ARL15: variants seen among roughly 807,000 people sequenced by gnomAD.
ARL15 encodes the protein ADP-ribosylation factor-like protein 15.
Under a neutral mutation model 25.2 loss-of-function variants are expected in ARL15, and 19 were observed. That is an observed-to-expected ratio of 0.75 (90% CI 0.53 to 1.10). The LOEUF (loss-of-function observed/expected upper bound fraction) is 1.10. Among genes scored for constraint, ARL15 ranks in the 50% least tolerant of loss-of-function variants. The probability of loss-of-function intolerance (pLI) is 0.00; values close to 1 mark genes in which losing one functional copy is unlikely to be tolerated. For missense variants in ARL15, 220 were observed against 246.0 expected (o/e 0.89, Z 0.71); for synonymous variants, 94 against 86.8 (o/e 1.08, Z -0.46).
At chr5:54,016,530 T>G (rs1178405308) in intron 4 of ARL15, among the ~76,000 whole-genome samples, 1 of 152,204 alleles carries the variant, frequency 6.6e-6, no homozygotes, top group Non-Finnish European at 1.5e-5. Context: ...TCATGTTGCT[T>G]TAGGACCACA....
intron 1 of ARL15, among the ~76,000 whole-genome samples, chr5:54,208,020 C>T (rs1160883605): frequency 3.3e-5 from 5 of 152,052 alleles, no homozygotes; most frequent in African/African-American, 1.2e-4. Flanking sequence ...TATTGAGAGC[C>T]CAAGGCCCCT....
At chr5:54,310,195 T>C (rs1159928823) in intron 1 of ARL15, 5 of 463,106 alleles carry the variant, frequency 1.1e-5, no homozygotes, top group Non-Finnish European at 1.9e-5. Flanking sequence ...AGCGCGACCC[T>C]CGCCCTGCAG....
chr5:54,110,151 T>A (rs897473025), intron 4 of ARL15, among the ~76,000 whole-genome samples: 2 of 152,028 alleles, frequency 1.3e-5, no homozygotes, highest in African/African-American at 4.8e-5. Context: ...ATTTTAACCA[T>A]TGTCTTCATT....
intron 4 of ARL15, among the ~76,000 whole-genome samples, chr5:54,071,592 A>G (rs931034752): frequency 2.2e-4 from 32 of 145,804 alleles, no homozygotes; most frequent in African/African-American, 7.9e-4. Flanking sequence ...TTTTTGGTAC[A>G]CTATTGTTCA....
intron 1 of ARL15, among the ~76,000 whole-genome samples, chr5:54,201,180 T>C (rs1216595869): frequency 6.6e-6 from 1 of 152,094 alleles, no homozygotes; most frequent in African/African-American, 2.4e-5. Flanking sequence ...CCTGACTCTA[T>C]AATGAATCAC....
intron 1 of ARL15, among the ~76,000 whole-genome samples, chr5:54,296,659 T>TAGGC (rs1758472700): frequency 6.6e-6 from 1 of 152,336 alleles, no homozygotes; most frequent in South Asian, 2.1e-4. Flanking sequence ...GCTAGCACAT[T>TAGGC]AGGCACCTCT....
At chr5:54,006,983 C>T (rs1219551607) in intron 4 of ARL15, among the ~76,000 whole-genome samples, 7 of 151,874 alleles carry the variant, frequency 4.6e-5, no homozygotes, top group African/African-American at 1.5e-4. Context: ...CCCAGCTACT[C>T]GGGAGGCTGA....
At chr5:54,055,859 T>C (rs1159595758) in intron 4 of ARL15, among the ~76,000 whole-genome samples, 1 of 152,134 alleles carries the variant, frequency 6.6e-6, no homozygotes, top group Non-Finnish European at 1.5e-5. Context: ...GTATTATAAT[T>C]ATCATGTGTA....
chr5:54,092,073 C>CACACACACACA (rs143647206), intron 4 of ARL15, among the ~76,000 whole-genome samples: 298 of 149,782 alleles, frequency 2.0e-3, no homozygotes, highest in African/African-American at 7.0e-3. Context: ...CACACACACA[C>CACACACACACA]CACCACCACC....
intron 4 of ARL15, among the ~76,000 whole-genome samples, chr5:53,994,108 T>G (rs552073781): frequency 6.6e-6 from 1 of 152,210 alleles, no homozygotes; most frequent in South Asian, 2.1e-4. Context: ...GATGCCACTT[T>G]GGGACCCTTG....
In ARL15 at chr5:54,148,769, A is replaced by G. The variant is rs1753983457; in HGVS notation, c.253+5811T>C. Among the ~76,000 whole-genome samples the G allele has an allele frequency of 1.3e-5, 2 of 152,196 alleles. 1 individual carries two copies. Among genetic ancestry groups the G allele is most frequent in the South Asian group, 4.1e-4 (2 of 4,828 alleles). ...AACACATTAGAATATTAAGAGGAAG[A>G]AAACAAGTCATTTGACACACCCAGT... On this transcript the variant is annotated intron_variant, in intron 3 of 4. Coordinates refer to ENST00000504924, the MANE Select transcript of ARL15 (RefSeq NM_019087.3).
chr5:53,971,029 G>A (rs927902390), intron 4 of ARL15, among the ~76,000 whole-genome samples: 2 of 152,080 alleles, frequency 1.3e-5, no homozygotes, highest in Non-Finnish European at 2.9e-5. Flanking sequence ...CATTAAGAAG[G>A]AATTTTTGCA....
chr5:54,294,250 G>A (rs1318208206), intron 1 of ARL15, among the ~76,000 whole-genome samples: 1 of 152,170 alleles, frequency 6.6e-6, no homozygotes, highest in African/African-American at 2.4e-5. Context: ...CCACTGCCTG[G>A]TTTTGCCAAT....
intron 4 of ARL15, among the ~76,000 whole-genome samples, chr5:54,112,332 A>T (rs780406842): frequency 4.6e-5 from 7 of 152,166 alleles, no homozygotes; most frequent in Non-Finnish European, 7.4e-5. Flanking sequence ...GGAGGTCTGG[A>T]GTTAGAACAT....
rs142501626 is a variant in ARL15, at chr5:54,089,430, T to G, written c.462+23772A>C. Among the ~76,000 whole-genome samples, 1,078 of 152,316 alleles carry G rather than the reference T, an allele frequency of 7.1e-3. 11 individuals carry two copies. The highest frequency in any genetic ancestry group is 0.025 in the African/African-American group (1,039 of 41,568). ...TACTATTAATAGGAAAAAAATCACA[T>G]AATCCTCCCCATAATTATGGAAAAG... On this transcript the variant is annotated intron_variant, in intron 4 of 4. Transcript: ENST00000504924.
intron 4 of ARL15, among the ~76,000 whole-genome samples, chr5:53,909,746 A>G (rs1228729617): frequency 6.6e-6 from 1 of 152,142 alleles, no homozygotes; most frequent in Non-Finnish European, 1.5e-5. Context: ...AAACATAAAA[A>G]CATACACATG....
chr5:54,057,678 CA>C (rs1323858799), intron 4 of ARL15, among the ~76,000 whole-genome samples: 3 of 151,958 alleles, frequency 2.0e-5, no homozygotes, highest in Admixed American at 1.3e-4. Flanking sequence ...CTAGTCTCTA[CA>C]AAAAAATATT....
intron 4 of ARL15, among the ~76,000 whole-genome samples, chr5:53,947,651 G>A (rs529723324): frequency 6.6e-6 from 1 of 152,188 alleles, no homozygotes; most frequent in East Asian, 1.9e-4. Flanking sequence ...CCAGCATGTG[G>A]GTCTTCAGGT....
chr5:54,096,557 C>T (rs1187701680), intron 4 of ARL15, among the ~76,000 whole-genome samples: 1 of 152,042 alleles, frequency 6.6e-6, no homozygotes, highest in Admixed American at 6.6e-5. Flanking sequence ...ATTACAGGCA[C>T]CCGCCACCAC....
Sources: allele counts gnomAD v4.1 joint callset (sites outside exome capture counted in the v4.1 genomes callset), GRCh38; gene constraint gnomAD v4.1.1; transcripts MANE v1.5; gene names NCBI Gene and HGNC (gene_info 2026-07-23, HGNC 2026-07-21).